Variants in BCL2L14 observed in about 807,000 individuals in gnomAD.
BCL2L14 encodes the protein BCL2 like 14.
In BCL2L14, 27 loss-of-function variants were observed where a neutral mutation model predicts 35.3. The ratio of observed to expected loss-of-function variants is 0.76; its 90% CI spans 0.56 to 1.05. The LOEUF is 1.05. Among genes scored for constraint, BCL2L14 ranks in the 50% least tolerant of loss-of-function variants. The pLI is 0.00. For missense variants in BCL2L14, 377 were observed against 382.6 expected (o/e 0.99, Z 0.12); for synonymous variants, 139 against 145.9 (o/e 0.95, Z 0.34).
intron 2 of BCL2L14, among the ~76,000 whole-genome samples, chr12:12,083,243 C>T (rs1004516032): frequency 1.3e-5 from 2 of 152,154 alleles, no homozygotes; most frequent in African/African-American, 2.4e-5. Context: ...GGATTACAGG[C>T]GTGAGCCACC....
intron 2 of BCL2L14, among the ~76,000 whole-genome samples, chr12:12,064,961 C>T (rs1484042144): frequency 6.6e-6 from 1 of 152,196 alleles, no homozygotes; most frequent in Non-Finnish European, 1.5e-5. Context: ...TCACTTCAAT[C>T]CTTCTATTAT....
intron 1 of BCL2L14, among the ~76,000 whole-genome samples, chr12:12,074,932 G>A (rs1249660741): frequency 2.0e-5 from 3 of 151,812 alleles, no homozygotes; most frequent in East Asian, 1.9e-4. Flanking sequence ...TGTGAGCCAC[G>A]GTGCCAGCCA....
chr12:12,053,227 A>G (rs1948383624), intron 2 of BCL2L14, among the ~76,000 whole-genome samples: 1 of 152,224 alleles, frequency 6.6e-6, no homozygotes, highest in Admixed American at 6.5e-5. Flanking sequence ...CAAATTAGAA[A>G]GCTGAGGCAC....
At chr12:12,082,640 A>G (rs1948952795) in intron 2 of BCL2L14, among the ~76,000 whole-genome samples, 1 of 152,188 alleles carries the variant, frequency 6.6e-6, no homozygotes, top group African/African-American at 2.4e-5. Flanking sequence ...GAGATTGAGA[A>G]TTAAAGATTA....
At chr12:12,089,209 A>C (rs1427908799) in intron 3 of BCL2L14, among the ~76,000 whole-genome samples, 1 of 152,000 alleles carries the variant, frequency 6.6e-6, no homozygotes, top group Non-Finnish European at 1.5e-5. Context: ...TCTACTAAAA[A>C]TACAAAAAAA....
intron 2 of BCL2L14, among the ~76,000 whole-genome samples, chr12:12,083,350 G>C (rs1488423460): frequency 6.6e-6 from 1 of 152,202 alleles, no homozygotes; most frequent in Non-Finnish European, 1.5e-5. Flanking sequence ...TGGGAACTGT[G>C]AGATTATGTC....
chr12:12,097,526 G>T (rs1303910818), intron 5 of BCL2L14, among the ~76,000 whole-genome samples: 2 of 152,200 alleles, frequency 1.3e-5, no homozygotes, highest in East Asian at 1.9e-4. Flanking sequence ...GCTAGGAGCT[G>T]AGGGTGAGAG....
Position 12,094,740 on chromosome 12 carries a change from A to G in BCL2L14, c.755A>G (p.Gln252Arg), listed in dbSNP as rs1167343671. 2.5e-6 allele frequency: 4 copies of G among 1,614,126 alleles called. No individual in the cohort carries two copies. The African/African-American group carries it at 5.3e-5, about 22-fold the overall frequency. ...SYSVFKTITD[Q>R]VLMGVDPRGE... is the part of the protein sequence containing the mutation. ...TCTGTTTTCAAGACCATCACAGACC[A>G]GGTCCTAATGGGTGTGGACCCCAGG... The change falls in exon 5 of 6, where the codon CAG becomes CGG. Residue 252 changes from glutamine to arginine, a missense_variant. Gln to Arg is a conservative substitution (Grantham distance 43). Coordinates refer to ENST00000308721, the MANE Select transcript of BCL2L14 (RefSeq NM_138723.2).
At chr12:12,060,157 C>A (rs1456060438) in intron 2 of BCL2L14, among the ~76,000 whole-genome samples, 1 of 151,546 alleles carries the variant, frequency 6.6e-6, no homozygotes, top group Non-Finnish European at 1.5e-5. Flanking sequence ...ATCACCTCCC[C>A]TCCTCACACC....
chr12:12,085,185 G>A (rs989385917), intron 2 of BCL2L14, among the ~76,000 whole-genome samples: 13 of 152,114 alleles, frequency 8.5e-5, no homozygotes, highest in Admixed American at 2.6e-4. Context: ...CCTTATGAGA[G>A]GAGGAGGGGA....
chr12:12,087,676 G>A (rs1388383931), intron 3 of BCL2L14, among the ~76,000 whole-genome samples: 7 of 152,242 alleles, frequency 4.6e-5, no homozygotes, highest in East Asian at 1.9e-4. Context: ...TGTCTGTGGC[G>A]GAAAATGCAA....
intron 2 of BCL2L14, among the ~76,000 whole-genome samples, chr12:12,063,528 C>G (rs1779077097): frequency 6.6e-6 from 1 of 151,832 alleles, no homozygotes. Context: ...TTAATCTCTC[C>G]CACTCTAGGT....
At chr12:12,051,120 C>CTGCT (rs1202496506) in intron 1 of BCL2L14, among the ~76,000 whole-genome samples, 2 of 152,100 alleles carry the variant, frequency 1.3e-5, no homozygotes, top group Admixed American at 1.3e-4. Context: ...TGTAGGGGCA[C>CTGCT]CAGACAGCAG....
At position 12,079,710 on chromosome 12, in the gene BCL2L14, T is replaced by C. The variant is rs1027559298; in HGVS notation, c.405T>C (p.Ser135=). ...GCCAGCAGTGGTCCAGGTGTCTTTCTAACGTGGAGCAGTGCTTGGAGCATG... is the reference window on the plus strand; with the variant it reads ...GCCAGCAGTGGTCCAGGTGTCTTTCCAACGTGGAGCAGTGCTTGGAGCATG... The part of the protein sequence containing the change: ...SHSQQWSRCL[S]NVEQCLEHEA... The change falls in exon 2 of 6, where the codon TCT becomes TCC. Residue 135 remains serine (S), a synonymous_variant. Coordinates refer to ENST00000308721, the MANE Select transcript of BCL2L14 (RefSeq NM_138723.2). 6 of 1,614,158 alleles carry C rather than the reference T, an allele frequency of 3.7e-6. No homozygotes were observed. Among genetic ancestry groups the C allele is most frequent in the Non-Finnish European group, 5.1e-6 (6 of 1,180,016 alleles).
intron 2 of BCL2L14, among the ~76,000 whole-genome samples, chr12:12,065,876 C>T (rs1948588067): frequency 6.6e-6 from 1 of 151,840 alleles, no homozygotes; most frequent in African/African-American, 2.4e-5. Context: ...ACTGCAACCT[C>T]TGCCACCCAG....
At chr12:12,075,811 C>T (rs1466999312) in intron 1 of BCL2L14, among the ~76,000 whole-genome samples, 2 of 152,016 alleles carry the variant, frequency 1.3e-5, no homozygotes, top group Non-Finnish European at 2.9e-5. Context: ...AAGAAACCGG[C>T]CATTTGTCTT....
At chr12:12,073,101 C>T (rs1948702582) in intron 1 of BCL2L14, among the ~76,000 whole-genome samples, 1 of 152,156 alleles carries the variant, frequency 6.6e-6, no homozygotes, top group African/African-American at 2.4e-5. Context: ...TCTTGAACTC[C>T]TGGGCTTAAG....
intron 2 of BCL2L14, among the ~76,000 whole-genome samples, chr12:12,080,978 G>A (rs1368091310): frequency 6.6e-6 from 1 of 152,158 alleles, no homozygotes. Context: ...GAGCTCAGGA[G>A]TTCAAGACCA....
chr12:12,051,364 G>C (rs1458623561), intron 1 of BCL2L14, among the ~76,000 whole-genome samples: 1 of 152,044 alleles, frequency 6.6e-6, no homozygotes, highest in African/African-American at 2.4e-5. Context: ...AAACATCACC[G>C]AGGTTTCTAG....
Sources: allele counts gnomAD v4.1 joint callset (sites outside exome capture counted in the v4.1 genomes callset), GRCh38; gene constraint gnomAD v4.1.1; transcripts MANE v1.5; gene names NCBI Gene and HGNC (gene_info 2026-07-23, HGNC 2026-07-21).